Variants in PACRG observed in about 807,000 individuals in gnomAD.
The protein encoded by PACRG is parkin coregulated, also known as parkin coregulated gene protein.
In PACRG, 29 loss-of-function variants were observed where a neutral mutation model predicts 29.7. That is an observed-to-expected ratio of 0.98 (90% confidence interval 0.73 to 1.33). The LOEUF is 1.33. Among genes scored for constraint, PACRG ranks in the 40% most tolerant of loss-of-function variants. The pLI is 0.00. For synonymous variants in PACRG, 116 were observed against 118.7 expected, an observed-to-expected ratio of 0.98 and a Z score of 0.15; for missense variants, 279 against 316.2, an observed-to-expected ratio of 0.88 and a Z score of 0.89.
chr6:163,048,011 T>C lies in PACRG; in HGVS notation c.292-14139T>C, dbSNP rs1341987182. Reference sequence around the variant, plus strand: ...TTTCAAAGTTGTTTTTAATCGTGTATGGAAATGCTATTATTTTTAGTGCAT... The same window carrying C: ...TTTCAAAGTTGTTTTTAATCGTGTACGGAAATGCTATTATTTTTAGTGCAT... On this transcript the variant is annotated intron_variant, in intron 2 of 4. Transcript: ENST00000366888. Among the ~76,000 whole-genome samples, 4 of 152,314 alleles carry C rather than the reference T, an allele frequency of 2.6e-5. No homozygotes were observed. The East Asian group carries it at 7.7e-4, about 29-fold the overall frequency.
chr6:163,096,239 C>T (rs1382074238), intron 4 of PACRG, among the ~76,000 whole-genome samples: 1 of 152,154 alleles, frequency 6.6e-6, no homozygotes, highest in African/African-American at 2.4e-5. Context: ...CCCTGGGGAT[C>T]CCATAGCAGC....
chr6:163,075,255 T>C, intron 3 of PACRG, among the ~76,000 whole-genome samples: 1 of 152,202 alleles, frequency 6.6e-6, no homozygotes, highest in African/African-American at 2.4e-5. Flanking sequence ...ATTAAGTCAG[T>C]AATTAAAATC....
intron 1 of PACRG, among the ~76,000 whole-genome samples, chr6:162,792,934 T>C (rs1785075857): frequency 6.6e-6 from 1 of 152,102 alleles, no homozygotes; most frequent in African/African-American, 2.4e-5. Context: ...CTAAAGGGCA[T>C]GGTGAGTTTG....
At chr6:163,188,280 G>T (rs1340827214) in intron 4 of PACRG, among the ~76,000 whole-genome samples, 1 of 152,146 alleles carries the variant, frequency 6.6e-6, no homozygotes, top group Non-Finnish European at 1.5e-5. Context: ...CAAATGTTTA[G>T]TCAGTATCAA....
At position 162,774,522 on chromosome 6, in the gene PACRG, A is replaced by G. The variant is rs568853752; in HGVS notation, c.157-39625A>G. Among the ~76,000 whole-genome samples, 3 of 152,302 alleles carry G rather than the reference A, an allele frequency of 2.0e-5. No homozygotes were observed. In the East Asian group the frequency reaches 5.8e-4, roughly 29 times the overall value. ...GATCATTATGTTGGGAATTTTTTGC[A>G]TGTGTGATAGTCAAATAATGGTATG... On this transcript the variant is annotated intron_variant, in intron 1 of 4. Coordinates refer to ENST00000366888, the MANE Select transcript of PACRG (RefSeq NM_001080379.2).
chr6:162,874,139 TAA>T (rs56159049), intron 2 of PACRG, among the ~76,000 whole-genome samples: 6,176 of 133,424 alleles, frequency 0.046, 193 homozygotes, highest in African/African-American at 0.095. Context: ...ATGAGGGAGT[TAA>T]AAAAAAAAAA....
At chr6:163,129,428 A>C (rs1816645299) in intron 4 of PACRG, among the ~76,000 whole-genome samples, 1 of 152,214 alleles carries the variant, frequency 6.6e-6, no homozygotes, top group Non-Finnish European at 1.5e-5. Context: ...GAGACGAAGG[A>C]ATGAGACTGC....
chr6:163,047,973 T>C (rs920313827), intron 2 of PACRG, among the ~76,000 whole-genome samples: 2 of 152,224 alleles, frequency 1.3e-5, no homozygotes, highest in Non-Finnish European at 1.5e-5. Flanking sequence ...TATTGTGAAC[T>C]TTTAAAAAAT....
chr6:162,976,360 G>A (rs1249867533), intron 2 of PACRG, among the ~76,000 whole-genome samples: 1 of 152,166 alleles, frequency 6.6e-6, no homozygotes, highest in Non-Finnish European at 1.5e-5. Context: ...TATGAGGGCC[G>A]AACGAAGTGA....
intron 4 of PACRG, among the ~76,000 whole-genome samples, chr6:163,311,633 G>A (rs1446697815): frequency 1.3e-5 from 2 of 152,192 alleles, no homozygotes; most frequent in East Asian, 3.8e-4. Flanking sequence ...AGTAAAGGAG[G>A]TGTTCCTTTT....
At chr6:163,101,261 A>T in intron 4 of PACRG, 1 of 982,028 alleles carries the variant, frequency 1.0e-6, no homozygotes, top group Non-Finnish European at 1.2e-6. Context: ...AAAAAACAAG[A>T]TGTAATTGGG....
Position 163,146,742 on chromosome 6 carries a change from C to A in PACRG, c.613+57334C>A, listed in dbSNP as rs150727252. 1.4e-3 allele frequency among the ~76,000 whole-genome samples: 220 copies of A among 152,292 alleles called. 1 individual carries two copies. The highest frequency in any genetic ancestry group is 5.1e-3 in the African/African-American group (214 of 41,572). ...TAACATCTTTTAAGTTCAATCTGTT[C>A]TTGTATTTTGCCTTACAAACTAACA... is the stretch of plus-strand genomic sequence containing the variant. On this transcript the variant is annotated intron_variant, in intron 4 of 4. Coordinates refer to ENST00000366888, the MANE Select transcript of PACRG (RefSeq NM_001080379.2).
At chr6:163,098,767 T>TG (rs975077694) in intron 4 of PACRG, among the ~76,000 whole-genome samples, 1 of 152,232 alleles carries the variant, frequency 6.6e-6, no homozygotes, top group Non-Finnish European at 1.5e-5. Flanking sequence ...CAAGGGCTGC[T>TG]GGTTGCCCAT....
At chr6:162,727,778 C>G (rs1470786842), upstream of PACRG, 4 of 1,155,860 alleles carry the variant, frequency 3.5e-6, no homozygotes, top group East Asian at 5.2e-5. Flanking sequence ...CAGGCCTCCC[C>G]GCCCCCGCGC....
intron 4 of PACRG, among the ~76,000 whole-genome samples, chr6:163,148,939 G>A (rs988194736): frequency 5.2e-5 from 7 of 133,504 alleles, no homozygotes; most frequent in South Asian, 2.7e-4. Context: ...AAGTGAATGA[G>A]GGTTTTGTGA....
rs187453017 is a variant in PACRG at position 162,959,406 on chromosome 6, T to C, written c.292-102744T>C. ...ATGAAGGTCCACCACACGCACTCTGTGGAGGAGACCTGCCGTGCATGGAGG... is the reference window on the plus strand; with the variant it reads ...ATGAAGGTCCACCACACGCACTCTGCGGAGGAGACCTGCCGTGCATGGAGG... On this transcript the variant is annotated intron_variant, in intron 2 of 4. Transcript: ENST00000366888. Among the ~76,000 whole-genome samples, 17 of 152,090 alleles carry C rather than the reference T, an allele frequency of 1.1e-4. No individual in the cohort carries two copies. The East Asian group carries it at 1.9e-3, about 17-fold the overall frequency.
chr6:162,729,130 T>C (rs1188666650), intron 1 of PACRG, among the ~76,000 whole-genome samples: 1 of 152,226 alleles, frequency 6.6e-6, no homozygotes, highest in Non-Finnish European at 1.5e-5. Context: ...TTTAGCTGTC[T>C]GCATGATAGT....
intron 2 of PACRG, among the ~76,000 whole-genome samples, chr6:162,878,014 C>T (rs1385753283): frequency 6.6e-6 from 1 of 152,140 alleles, no homozygotes; most frequent in Non-Finnish European, 1.5e-5. Flanking sequence ...TAGATAGTTT[C>T]ACTTAACTGG....
At chr6:162,759,628 G>A (rs530874502) in intron 1 of PACRG, among the ~76,000 whole-genome samples, 1 of 152,206 alleles carries the variant, frequency 6.6e-6, no homozygotes, top group South Asian at 2.1e-4. Flanking sequence ...ACTTTGACCA[G>A]GTCTGAATAT....
Sources: allele counts gnomAD v4.1 joint callset (sites outside exome capture counted in the v4.1 genomes callset), GRCh38; gene constraint gnomAD v4.1.1; transcripts MANE v1.5; gene names NCBI Gene and HGNC (gene_info 2026-07-23, HGNC 2026-07-21).